The following CEPT1 variants were observed in gnomAD, a reference collection of about 807,000 sequenced individuals.
CEPT1 encodes choline/ethanolamine phosphotransferase 1.
A neutral mutation model predicts 42.6 loss-of-function variants in CEPT1; 7 were observed. The ratio of observed to expected loss-of-function variants is 0.16; its 90% CI spans 0.09 to 0.31. The LOEUF (loss-of-function observed/expected upper bound fraction) is 0.31, where lower values mean the gene tolerates loss of function less well. Ranked by LOEUF, CEPT1 falls within the 10% of genes least tolerant of loss-of-function variation. CEPT1 has a pLI of 1.00. For missense variants in CEPT1, 306 were observed against 502.1 expected (o/e 0.61, Z 3.73); for synonymous variants, 171 against 171.9 (o/e 0.99, Z 0.04).
chr1:111,161,756 T>G (rs1333308525), intron 4 of CEPT1, among the ~76,000 whole-genome samples: 1 of 152,246 alleles, frequency 6.6e-6, no homozygotes, highest in East Asian at 1.9e-4. Context: ...AGTTTATGTT[T>G]CGTTGGTTAT....
intron 1 of CEPT1, among the ~76,000 whole-genome samples, chr1:111,145,611 G>T (rs532371583): frequency 6.6e-6 from 1 of 152,300 alleles, no homozygotes; most frequent in South Asian, 2.1e-4. Context: ...TGTCCATGTG[G>T]TTACTCATGA....
At chr1:111,180,180 TG>T (rs1656901358) in intron 5 of CEPT1, 1 of 152,232 alleles carries the variant, frequency 6.6e-6, no homozygotes, top group Admixed American at 6.5e-5. Context: ...TTTAGTACCC[TG>T]GCCCTAATAC....
chr1:111,143,219 G>C (rs1214706155), intron 1 of CEPT1, among the ~76,000 whole-genome samples: 4 of 151,994 alleles, frequency 2.6e-5, no homozygotes, highest in African/African-American at 9.7e-5. Flanking sequence ...GATCTCTCTC[G>C]TACCTGAGCA....
intron 1 of CEPT1, among the ~76,000 whole-genome samples, chr1:111,142,010 G>A (rs1654649170): frequency 6.6e-6 from 1 of 151,956 alleles, no homozygotes; most frequent in Admixed American, 6.5e-5. Flanking sequence ...ACAACAGGTT[G>A]TGTATTGTGT....
At position 111,167,851 on chromosome 1, in the gene CEPT1, A is replaced by G. The variant is rs971704069; in HGVS notation, c.629+6555A>G. On this transcript the variant is annotated intron_variant, in intron 4 of 8. Coordinates refer to ENST00000357172, the MANE Select transcript of CEPT1 (RefSeq NM_006090.5). The stretch of plus-strand genomic sequence containing the variant: ...GTTTTGTTTTCTTTTCAGTAAATAC[A>G]TATTTCTCTAATGTACTGCTAAAAG... 1.0e-5 allele frequency: 7 copies of G among 701,036 alleles called. No individual in the cohort carries two copies. The African/African-American group carries it at 1.4e-4, about 14-fold the overall frequency. 43.4% of individuals were successfully genotyped at this position (701,036 alleles called of 1,614,324 possible). A position where few individuals can be genotyped will look rare whatever the true frequency, so the allele number is the denominator to read the frequency against.
At chr1:111,174,797 A>G in intron 4 of CEPT1, 82 bp from the exon 5 acceptor site, 1 of 854,454 alleles carries the variant, frequency 1.2e-6, no homozygotes, top group Non-Finnish European at 2.0e-6. Flanking sequence ...TGCATGATAG[A>G]GGAATGCTGC....
chr1:111,183,494 G>T lies in CEPT1; in HGVS notation c.1038G>T (p.Leu346Phe). Residue 346 changes from leucine (L) to phenylalanine (F), a missense_variant, in exon 8 of 9, where the codon TTG becomes TTT. Transcript: ENST00000357172. ...ACATGACGAAAAGTGAAATGCATTT[G>T]CATGACACAGCATTCATAGGTCCGG... is the stretch of plus-strand genomic sequence containing the variant. ...VAHMTKSEMH[L>F]HDTAFIGPAL... 6.2e-7 allele frequency: 1 copy of T among 1,613,684 alleles called. No individual in the cohort carries two copies. Among genetic ancestry groups the T allele is most frequent in the African/African-American group, 1.3e-5 (1 of 75,026 alleles).
intron 2 of CEPT1, among the ~76,000 whole-genome samples, chr1:111,150,535 C>T (rs567467211): frequency 6.6e-6 from 1 of 152,160 alleles, no homozygotes; most frequent in South Asian, 2.1e-4. Flanking sequence ...GGAAATTCTC[C>T]TTCATTGTAT....
intron 4 of CEPT1, among the ~76,000 whole-genome samples, chr1:111,171,772 C>T (rs1656427550): frequency 1.3e-5 from 2 of 152,150 alleles, no homozygotes; most frequent in Non-Finnish European, 2.9e-5. Flanking sequence ...GAGTTTTGCT[C>T]TTGTTGCCCA....
intron 2 of CEPT1, among the ~76,000 whole-genome samples, chr1:111,150,885 A>G (rs1490549211): frequency 6.6e-6 from 1 of 152,188 alleles, no homozygotes; most frequent in Non-Finnish European, 1.5e-5. Flanking sequence ...TTTAAACTTC[A>G]TTAGCTAGTA....
chr1:111,149,266 CTTTT>C (rs775722606), intron 2 of CEPT1, among the ~76,000 whole-genome samples: 1 of 127,944 alleles, frequency 7.8e-6, no homozygotes. Context: ...GGTTTCTCCT[CTTTT>C]TTTTTTTTTT....
At chr1:111,143,760 C>T (rs1654796859) in intron 1 of CEPT1, among the ~76,000 whole-genome samples, 1 of 151,978 alleles carries the variant, frequency 6.6e-6, no homozygotes, top group East Asian at 1.9e-4. Flanking sequence ...CTTTTTGAGA[C>T]ATGGTTTTGC....
At chr1:111,182,346 T>A in intron 6 of CEPT1, 28 bp downstream of exon 6, 1 of 1,602,960 alleles carries the variant, frequency 6.2e-7, no homozygotes, top group Non-Finnish European at 8.5e-7. Flanking sequence ...TTTTCAACAC[T>A]TGTTTACACT....
intron 5 of CEPT1, chr1:111,180,016 T>C (rs1271456017): frequency 6.6e-6 from 1 of 152,236 alleles, no homozygotes; most frequent in Non-Finnish European, 1.5e-5. Context: ...CATGTACTAA[T>C]TTTCCTGGCT....
At chr1:111,149,506 A>G (rs989533668) in intron 2 of CEPT1, among the ~76,000 whole-genome samples, 3 of 152,098 alleles carry the variant, frequency 2.0e-5, no homozygotes, top group Admixed American at 2.0e-4. Context: ...CAGGTGATCC[A>G]CCAACCTTGG....
chr1:111,147,123 G>A (rs1377690093), intron 1 of CEPT1, among the ~76,000 whole-genome samples: 2 of 152,152 alleles, frequency 1.3e-5, no homozygotes, highest in African/African-American at 4.8e-5. Flanking sequence ...TGCCTTCTAG[G>A]GTGGTTGTGA....
intron 5 of CEPT1, chr1:111,179,797 A>G (rs1413265088): frequency 6.6e-6 from 1 of 152,214 alleles, no homozygotes; most frequent in Admixed American, 6.5e-5. Flanking sequence ...GGAGATTTTA[A>G]TCTTCATTTA....
intron 4 of CEPT1, among the ~76,000 whole-genome samples, chr1:111,165,190 A>G (rs1242072457): frequency 6.7e-6 from 1 of 150,178 alleles, no homozygotes; most frequent in Non-Finnish European, 1.5e-5. Context: ...CTGGGACTAC[A>G]GGCACCCGCC....
chr1:111,141,964 T>A (rs1654640704), intron 1 of CEPT1, among the ~76,000 whole-genome samples: 1 of 152,162 alleles, frequency 6.6e-6, no homozygotes, highest in Admixed American at 6.5e-5. Context: ...CTTGGCACCC[T>A]TAGACATGGC....
Sources: gnomAD v4.1 joint callset for allele counts (sites outside exome capture counted in the v4.1 genomes callset) on GRCh38, gnomAD v4.1.1 for gene constraint, MANE v1.5 for transcripts, NCBI Gene and HGNC (gene_info 2026-07-23, HGNC 2026-07-21) for gene names.